The following NDUFAF7 variants were observed in gnomAD, a reference collection of about 807,000 sequenced individuals.
NDUFAF7 encodes protein arginine methyltransferase NDUFAF7, mitochondrial.
A neutral mutation model predicts 47.2 loss-of-function variants in NDUFAF7; 48 were observed. The ratio of observed to expected loss-of-function variants is 1.02; its 90% CI spans 0.81 to 1.29. NDUFAF7 has a LOEUF of 1.29. Ranked by LOEUF, NDUFAF7 falls within the 50% of genes most tolerant of loss-of-function variation. NDUFAF7 has a pLI of 0.00. For missense variants in NDUFAF7, 635 were observed against 537.6 expected, an observed-to-expected ratio of 1.18 and a Z score of -1.79; for synonymous variants, 217 against 190.0, an observed-to-expected ratio of 1.14 and a Z score of -1.17.
At chr2:37,233,910 A>C (rs1430865794) in intron 2 of NDUFAF7, among the ~76,000 whole-genome samples, 1 of 152,154 alleles carries the variant, frequency 6.6e-6, no homozygotes, top group Admixed American at 6.5e-5. Flanking sequence ...GCATTTCTTC[A>C]ATTATGAACA....
At chr2:37,261,293 C>T in the NDUFAF7 span, among the ~76,000 whole-genome samples, 21 of 151,834 alleles carry the variant, frequency 1.4e-4, no homozygotes, top group African/African-American at 2.4e-4. Flanking sequence ...TCGAGACCAG[C>T]GTAGCAAACA....
chr2:37,248,938 C>G lies in NDUFAF7; in HGVS notation c.*588C>G, dbSNP rs912875048. On this transcript the variant is annotated 3_prime_UTR_variant, in exon 10 of 10. Coordinates refer to ENST00000002125, the MANE Select transcript of NDUFAF7 (RefSeq NM_144736.5). ...TCAAAAAAAAAAGTAAACATGGGCA[C>G]TGATTGTTTTAATAAAAATGGGAAA... 3 of 155,226 alleles carry G rather than the reference C, an allele frequency of 1.9e-5. No homozygotes were observed. The highest frequency in any genetic ancestry group is 6.2e-5 in the Admixed American group (1 of 16,042). The allele number at this position is 155,226 out of a possible 1,614,324, so 9.6% of individuals were successfully genotyped here.
chr2:37,269,384 T>C, the NDUFAF7 span: 1 of 525,318 alleles, frequency 1.9e-6, no homozygotes, highest in Non-Finnish European at 3.4e-6. Flanking sequence ...CAAGAAGAGA[T>C]AAAACACACT....
chr2:37,243,974 G>A lies in NDUFAF7; in HGVS notation c.792+1G>A, dbSNP rs778025567. ...CACCCCAGCAGAAGCCTTCATACAA[G>A]TAAGAATATGCTTTTTTAAGTTTCT... On this transcript the variant is annotated splice_donor_variant, in intron 7 of 9. Transcript: ENST00000002125. LOFTEE classifies it high-confidence loss of function. 1 of 1,599,992 alleles carries A rather than the reference G, an allele frequency of 6.3e-7. No individual in the cohort carries two copies. Among genetic ancestry groups the A allele is most frequent in the South Asian group, 1.1e-5 (1 of 90,608 alleles).
chr2:37,260,689 A>C, the NDUFAF7 span, among the ~76,000 whole-genome samples: 1 of 152,076 alleles, frequency 6.6e-6, no homozygotes, highest in Non-Finnish European at 1.5e-5. Flanking sequence ...CTCTAATTTC[A>C]TGCTTTCCCT....
At chr2:37,258,230 T>C (rs947660577), downstream of NDUFAF7, among the ~76,000 whole-genome samples, 5 of 152,236 alleles carry the variant, frequency 3.3e-5, no homozygotes, top group African/African-American at 1.2e-4. Context: ...ATGCTGCTAT[T>C]TCTGGGATGG....
the NDUFAF7 span, among the ~76,000 whole-genome samples, chr2:37,266,810 T>C: frequency 6.6e-6 from 1 of 152,166 alleles, no homozygotes; most frequent in Non-Finnish European, 1.5e-5. Context: ...TATACGACCA[T>C]GATTTCTTTA....
intron 7 of NDUFAF7, among the ~76,000 whole-genome samples, chr2:37,244,592 C>G (rs1666717959): frequency 6.6e-6 from 1 of 152,106 alleles, no homozygotes; most frequent in African/African-American, 2.4e-5. Context: ...CTGTACTTCT[C>G]AGGAACGTCC....
chr2:37,242,052 C>T (rs1161088881), intron 5 of NDUFAF7: 3 of 513,794 alleles, frequency 5.8e-6, no homozygotes, highest in African/African-American at 5.8e-5. Context: ...TTGAGTATTT[C>T]CCTATAGCTA....
rs781175369 is a variant in NDUFAF7, at chr2:37,237,760, C to T, written c.301C>T (p.Leu101=). ...PEISQIFGEL[L]GIWFISEWMA... is the part of the protein sequence containing the mutation. ...TTTTTTTTTTCCCTTTTCACAGCTA[C>T]TAGGTATATGGTTCATTAGTGAATG... The change falls in exon 4 of 10, where the codon CTA becomes TTA. Residue 101 remains leucine (L), a synonymous_variant. Transcript: ENST00000002125. 3.8e-6 allele frequency: 6 copies of T among 1,590,268 alleles called. No individual in the cohort carries two copies. In the South Asian group the frequency reaches 5.5e-5, roughly 15 times the overall value.
At chr2:37,240,426 A>G (rs1351872021) in intron 4 of NDUFAF7, among the ~76,000 whole-genome samples, 1 of 151,702 alleles carries the variant, frequency 6.6e-6, no homozygotes. Context: ...AAAAACACCA[A>G]CACATACTCA....
At position 37,248,292 on chromosome 2, in the gene NDUFAF7, G is replaced by A. The variant is rs141619444; in HGVS notation, c.1268G>A (p.Arg423His). The A allele has an allele frequency of 2.7e-5, 43 of 1,614,010 alleles. No individual in the cohort carries two copies. Among genetic ancestry groups the A allele is most frequent in the South Asian group, 2.2e-4 (20 of 91,090 alleles). Residue 423 changes from arginine to histidine, a missense_variant, in exon 10 of 10, where the codon CGT becomes CAT. By Grantham distance (29) the Arg-to-His change is conservative. Transcript: ENST00000002125. Reference sequence around the variant, plus strand: ...GGTGGAAGATATCAGAGGAATGCACGTCAGTCAAAACCCTTTGCATCCGTT... The same window carrying A: ...GGTGGAAGATATCAGAGGAATGCACATCAGTCAAAACCCTTTGCATCCGTT... ...LQGGRYQRNA[R>H]QSKPFASVVA... is the part of the protein sequence containing the mutation.
chr2:37,244,687 TCTTA>T (rs773044392), intron 7 of NDUFAF7, among the ~76,000 whole-genome samples: 8 of 152,174 alleles, frequency 5.3e-5, no homozygotes, highest in Non-Finnish European at 8.8e-5. Context: ...ACTGAGAACT[TCTTA>T]CTTAGAAATT....
chr2:37,235,649 T>G (rs1665675074), intron 2 of NDUFAF7, among the ~76,000 whole-genome samples: 2 of 151,608 alleles, frequency 1.3e-5, no homozygotes, highest in Admixed American at 6.6e-5. Context: ...CTTATTTATT[T>G]ATTTATTTAT....
chr2:37,232,897 T>A, intron 2 of NDUFAF7, among the ~76,000 whole-genome samples: 1 of 152,230 alleles, frequency 6.6e-6, no homozygotes. Context: ...TTAGAATATT[T>A]CATCTTTTGC....
the NDUFAF7 span, among the ~76,000 whole-genome samples, chr2:37,263,218 G>A: frequency 6.6e-6 from 1 of 152,094 alleles, no homozygotes. Flanking sequence ...TATATATGCA[G>A]TATTTTCAGG....
At chr2:37,251,797 G>C (rs1667524812), downstream of NDUFAF7, 1 of 151,702 alleles carries the variant, frequency 6.6e-6, no homozygotes, top group Non-Finnish European at 1.5e-5. Context: ...CCTGCCATCT[G>C]TCCAGGCCAA....
the NDUFAF7 span, chr2:37,267,519 C>G: frequency 1.2e-6 from 2 of 1,608,688 alleles, no homozygotes; most frequent in African/African-American, 1.3e-5. Context: ...ACATCCCTCC[C>G]AGTCTTTCTA....
intron 4 of NDUFAF7, among the ~76,000 whole-genome samples, chr2:37,240,543 G>A (rs1221772557): frequency 6.6e-6 from 1 of 151,896 alleles, no homozygotes; most frequent in Non-Finnish European, 1.5e-5. Context: ...TAAGAATCTT[G>A]ATTATTTGGG....
Sources: gnomAD v4.1 joint callset for allele counts (sites outside exome capture counted in the v4.1 genomes callset) on GRCh38, gnomAD v4.1.1 for gene constraint, MANE v1.5 for transcripts, NCBI Gene and HGNC (gene_info 2026-07-23, HGNC 2026-07-21) for gene names.